CBL: variants seen among roughly 807,000 people sequenced by gnomAD.
The protein encoded by CBL is E3 ubiquitin-protein ligase CBL.
In CBL, 45 loss-of-function variants were observed where a neutral mutation model predicts 96.9. The ratio of observed to expected loss-of-function variants is 0.46; its 90% confidence interval spans 0.37 to 0.60. The LOEUF is 0.60. Among genes scored for constraint, CBL ranks in the 20% least tolerant of loss-of-function variants. The pLI is 0.00. For synonymous variants in CBL, 420 were observed against 426.8 expected (o/e 0.98, Z 0.20); for missense variants, 1,024 against 1,143.5 (o/e 0.90, Z 1.51).
At chr11:119,263,112 G>A (rs1295617376) in intron 2 of CBL, among the ~76,000 whole-genome samples, 1 of 152,200 alleles carries the variant, frequency 6.6e-6, no homozygotes, top group Admixed American at 6.5e-5. Flanking sequence ...AACTCTTAGT[G>A]TTAACTGCTA....
At chr11:119,267,264 C>T (rs1949809524) in intron 2 of CBL, among the ~76,000 whole-genome samples, 1 of 152,134 alleles carries the variant, frequency 6.6e-6, no homozygotes, top group Non-Finnish European at 1.5e-5. Context: ...ATTGATTTCC[C>T]GTAACAGTTT....
At chr11:119,235,207 G>A (rs915059388) in intron 2 of CBL, among the ~76,000 whole-genome samples, 5 of 151,736 alleles carry the variant, frequency 3.3e-5, no homozygotes, top group East Asian at 3.9e-4. Flanking sequence ...TCTGCCTCCC[G>A]CATTCAAACA....
rs1591274104 is a variant in CBL at position 119,304,901 on chromosome 11, A to C, written c.*5120A>C. The C allele has an allele frequency of 5.2e-6, 1 of 192,194 alleles. No homozygotes were observed. The highest frequency in any genetic ancestry group is 2.3e-5 in the African/African-American group (1 of 42,986). The allele number at this position is 192,194 out of a possible 1,614,324, so 11.9% of individuals were successfully genotyped here. ...CGGCCTCCCAAAGTGCTAAGATTAC[A>C]GGCGTGAGCCACCGCGCCCGGCCCA... On this transcript the variant is annotated 3_prime_UTR_variant, in exon 16 of 16. Coordinates refer to ENST00000264033, the MANE Select transcript of CBL (RefSeq NM_005188.4).
In CBL at chr11:119,244,581, A is replaced by ATTTTTTTTTTTTTTTTTTTTTTTTTT. The variant is rs532837579; in HGVS notation, c.443+11904_443+11905insTTTTTTTTTTTTTTTTTTTTTTTTTT. On this transcript the variant is annotated intron_variant, in intron 2 of 15. Transcript: ENST00000264033. ...AGGTGCATGCTACCATGCCCGGCTA[A>ATTTTTTTTTTTTTTTTTTTTTTTTTT]TTTTTTTTTTTTTTTTTTGAGACGG... Among the ~76,000 whole-genome samples the ATTTTTTTTTTTTTTTTTTTTTTTTTT allele has an allele frequency of 1.1e-4, 12 of 104,394 alleles. 3 individuals are homozygous for ATTTTTTTTTTTTTTTTTTTTTTTTTT. Among genetic ancestry groups the ATTTTTTTTTTTTTTTTTTTTTTTTTT allele is most frequent in the Middle Eastern group, 4.8e-3 (1 of 208 alleles). The allele number at this position is 104,394 out of a possible 152,430, so 68.5% of individuals were successfully genotyped here. A position where few individuals can be genotyped will look rare whatever the true frequency, so the allele number is the denominator to read the frequency against.
rs1950098871 is a variant in CBL at position 119,301,112 on chromosome 11, C to T, written c.*1331C>T. Reference sequence around the variant, plus strand: ...CGATGATGTGGTTCTTTTCTTGTGCCTGTGGCTTTGGGAATGTAACATCTC... The same window carrying T: ...CGATGATGTGGTTCTTTTCTTGTGCTTGTGGCTTTGGGAATGTAACATCTC... On this transcript the variant is annotated 3_prime_UTR_variant, in exon 16 of 16. Coordinates refer to ENST00000264033, the MANE Select transcript of CBL (RefSeq NM_005188.4). 2 of 233,366 alleles carry T rather than the reference C, an allele frequency of 8.6e-6. No homozygotes were observed. The highest frequency in any genetic ancestry group is 8.5e-6 in the Non-Finnish European group (1 of 118,076). The allele number at this position is 233,366 out of a possible 1,614,324, so 14.5% of individuals were successfully genotyped here.
chr11:119,265,760 C>T (rs987279043), intron 2 of CBL, among the ~76,000 whole-genome samples: 6 of 152,054 alleles, frequency 3.9e-5, no homozygotes, highest in African/African-American at 9.7e-5. Context: ...CAGTGGCTCA[C>T]GCCTGTAATC....
chr11:119,279,386 C>T (rs992448855), intron 9 of CBL, among the ~76,000 whole-genome samples: 7 of 152,058 alleles, frequency 4.6e-5, no homozygotes, highest in African/African-American at 7.3e-5. Flanking sequence ...TGTTGTGCAC[C>T]TGTAGTTCTA....
In CBL at chr11:119,219,005, T is replaced by A. The variant is rs557271738; in HGVS notation, c.195+12393T>A. Reference sequence around the variant, plus strand: ...GGCTAAGGTGGGTGTATCACTTGTGTCCAGGAGTTCGAGACCACCCTGGGC... The same window carrying A: ...GGCTAAGGTGGGTGTATCACTTGTGACCAGGAGTTCGAGACCACCCTGGGC... On this transcript the variant is annotated intron_variant, in intron 1 of 15. Transcript: ENST00000264033. 3.3e-5 allele frequency among the ~76,000 whole-genome samples: 5 copies of A among 152,206 alleles called. No individual in the cohort carries two copies. The South Asian group carries it at 1.0e-3, about 32-fold the overall frequency.
intron 1 of CBL, among the ~76,000 whole-genome samples, chr11:119,230,729 A>T (rs1949496149): frequency 6.6e-6 from 1 of 152,196 alleles, no homozygotes; most frequent in Non-Finnish European, 1.5e-5. Context: ...TTGTAATGTC[A>T]CCGCTGATAC....
intron 2 of CBL, among the ~76,000 whole-genome samples, chr11:119,268,193 A>G (rs867637863): frequency 6.6e-6 from 1 of 152,230 alleles, no homozygotes; most frequent in Non-Finnish European, 1.5e-5. Flanking sequence ...CCCTTCTTCA[A>G]AAGGCAGTTA....
At chr11:119,207,916 G>A (rs541040188) in intron 1 of CBL, among the ~76,000 whole-genome samples, 2 of 152,206 alleles carry the variant, frequency 1.3e-5, no homozygotes, top group Non-Finnish European at 2.9e-5. Flanking sequence ...CTTAGCCAAT[G>A]TAATGTGCAA....
At chr11:119,272,905 T>C (rs987412221) in intron 3 of CBL, among the ~76,000 whole-genome samples, 1 of 152,186 alleles carries the variant, frequency 6.6e-6, no homozygotes, top group African/African-American at 2.4e-5. Context: ...TCTCTCTATA[T>C]ATTATATAGG....
At chr11:119,295,785 G>A (rs1950059117) in intron 12 of CBL, among the ~76,000 whole-genome samples, 1 of 152,158 alleles carries the variant, frequency 6.6e-6, no homozygotes, top group South Asian at 2.1e-4. Flanking sequence ...TAGTAAAGGT[G>A]AAAGAATTTT....
chr11:119,210,097 A>T (rs1363151758), intron 1 of CBL, among the ~76,000 whole-genome samples: 1 of 152,158 alleles, frequency 6.6e-6, no homozygotes, highest in Non-Finnish European at 1.5e-5. Context: ...ATTGGCCTTA[A>T]ATGTATGCTG....
chr11:119,214,170 C>G (rs1204843567), intron 1 of CBL, among the ~76,000 whole-genome samples: 5 of 151,626 alleles, frequency 3.3e-5, no homozygotes, highest in Admixed American at 3.3e-4. Context: ...GTCTCAAACT[C>G]CTGACCTTGT....
chr11:119,223,953 A>G (rs1268666636), intron 1 of CBL, among the ~76,000 whole-genome samples: 1 of 152,106 alleles, frequency 6.6e-6, no homozygotes, highest in Non-Finnish European at 1.5e-5. Flanking sequence ...ATCTCTTAAA[A>G]GATGAAGAAA....
chr11:119,283,936 C>A (rs1404716792), intron 9 of CBL, among the ~76,000 whole-genome samples: 1 of 152,072 alleles, frequency 6.6e-6, no homozygotes, highest in Non-Finnish European at 1.5e-5. Context: ...CACGCCTGGC[C>A]TTAATTATTG....
In CBL at chr11:119,285,065, C is replaced by G. The variant is rs538054260; in HGVS notation, c.1528C>G (p.Pro510Ala). The G allele has an allele frequency of 3.5e-5, 57 of 1,614,158 alleles. No homozygotes were observed. The highest frequency in any genetic ancestry group is 1.3e-4 in the Admixed American group (8 of 60,020). Residue 510 changes from proline to alanine, a missense_variant, in exon 10 of 16, where the codon CCC becomes GCC. By Grantham distance (27) the Pro-to-Ala change is conservative (BLOSUM62 -1). Coordinates refer to ENST00000264033, the MANE Select transcript of CBL (RefSeq NM_005188.4). ...CCTTCTGCCGCAGCGAGTATGTGTT[C>G]CCTCAAGTGCTTCTGCTCTTGGAAC... ...LDLLPQRVCV[P>A]SSASALGTAS...
chr11:119,211,939 G>A (rs1949322222), intron 1 of CBL, among the ~76,000 whole-genome samples: 1 of 151,782 alleles, frequency 6.6e-6, no homozygotes, highest in Non-Finnish European at 1.5e-5. Flanking sequence ...TTATTTTTGA[G>A]ATGGAGTTCC....
Sources: allele counts gnomAD v4.1 joint callset (sites outside exome capture counted in the v4.1 genomes callset), GRCh38; gene constraint gnomAD v4.1.1; transcripts MANE v1.5; gene names NCBI Gene and HGNC (gene_info 2026-07-23, HGNC 2026-07-21).